ITGA1: variants seen among roughly 807,000 people sequenced by gnomAD.
ITGA1 encodes integrin subunit alpha 1.
ITGA1 carries 85 observed loss-of-function variants against 145.9 expected under a neutral mutation model. That is an observed-to-expected ratio of 0.58 (90% CI 0.49 to 0.70). The LOEUF is 0.70. Ranked by LOEUF, ITGA1 falls within the 30% of genes least tolerant of loss-of-function variation. The probability of loss-of-function intolerance (pLI) is 0.00; values close to 1 mark genes in which losing one functional copy is unlikely to be tolerated. For synonymous variants in ITGA1, 520 were observed against 495.3 expected (o/e 1.05, Z -0.66); for missense variants, 1,351 against 1,418.7 (o/e 0.95, Z 0.77).
chr5:52,842,732 C>T (rs1260514443), intron 1 of ITGA1, among the ~76,000 whole-genome samples: 7 of 144,842 alleles, frequency 4.8e-5, no homozygotes, highest in African/African-American at 1.8e-4. Flanking sequence ...GTCACCCAGG[C>T]TGGAGTGCAG....
chr5:52,913,354 T>C (rs1368300360), intron 14 of ITGA1, among the ~76,000 whole-genome samples: 1 of 152,216 alleles, frequency 6.6e-6, no homozygotes, highest in African/African-American at 2.4e-5. Context: ...TAAGTTGATA[T>C]ATTTTCGTCA....
chr5:52,955,987 A>G lies in ITGA1; in HGVS notation c.*3536A>G, dbSNP rs556404850. On this transcript the variant is annotated 3_prime_UTR_variant, in exon 29 of 29. Coordinates refer to ENST00000282588, the MANE Select transcript of ITGA1 (RefSeq NM_181501.2). ...CATACACTCACATGCAGATATTTAC[A>G]TATATAGATATTCTCTTTTCCTTTT... 281 of 152,188 alleles carry G rather than the reference A, an allele frequency of 1.8e-3. 3 individuals are homozygous for G. In the Middle Eastern group the frequency reaches 0.024, roughly 13 times the overall value. The allele number at this position is 152,188 out of a possible 1,614,324, so 9.4% of individuals were successfully genotyped here.
chr5:52,814,607 C>CT (rs937853627), intron 1 of ITGA1, among the ~76,000 whole-genome samples: 19 of 151,824 alleles, frequency 1.3e-4, no homozygotes, highest in African/African-American at 4.4e-4. Context: ...TTTTATCTGA[C>CT]TTTTTTTTCT....
chr5:52,833,925 A>G (rs1173818167), intron 1 of ITGA1, among the ~76,000 whole-genome samples: 1 of 152,240 alleles, frequency 6.6e-6, no homozygotes, highest in African/African-American at 2.4e-5. Flanking sequence ...GATAATAATT[A>G]GAATCAATAA....
chr5:52,801,196 T>A, intron 1 of ITGA1: 1 of 1,399,638 alleles, frequency 7.1e-7, no homozygotes, highest in Non-Finnish European at 9.7e-7. Flanking sequence ...GTTTTAGAAC[T>A]GGGAAAAATA....
In ITGA1 at chr5:52,922,877, T is replaced by C; in HGVS notation, c.2393T>C (p.Val798Ala). ...CTTGATGATTCTCTACCAAACTCAG[T>C]ACATGAATATGTAAGTCAGATTTCT... ...PVLDDSLPNSVHEYIPFAKDC... is the reference protein window; with the variant it reads ...PVLDDSLPNSAHEYIPFAKDC... Residue 798 changes from valine to alanine, a missense_variant, in exon 18 of 29, where the codon GTA (valine) becomes GCA (alanine). Coordinates refer to ENST00000282588, the MANE Select transcript of ITGA1 (RefSeq NM_181501.2). 2 of 1,574,642 alleles carry C rather than the reference T, an allele frequency of 1.3e-6. No homozygotes were observed. The highest frequency in any genetic ancestry group is 1.3e-5 in the African/African-American group (1 of 74,294).
chr5:52,899,551 G>A lies in ITGA1; in HGVS notation c.1309+1168G>A, dbSNP rs974133693. The stretch of plus-strand genomic sequence containing the variant: ...TTCCACTCTGGTCAGACAACAGCTA[G>A]AGTATCTGGTTGTTCTAAGTATCAC... On this transcript the variant is annotated intron_variant, in intron 11 of 28. Transcript: ENST00000282588. Among the ~76,000 whole-genome samples the A allele has an allele frequency of 7.9e-5, 12 of 152,238 alleles. No individual in the cohort carries two copies. In the South Asian group the frequency reaches 1.0e-3, roughly 13 times the overall value.
intron 14 of ITGA1, among the ~76,000 whole-genome samples, chr5:52,913,012 T>C (rs1001649456): frequency 1.6e-4 from 24 of 151,938 alleles, no homozygotes; most frequent in African/African-American, 3.6e-4. Flanking sequence ...TCCCAAAGTG[T>C]TGGGATTACA....
chr5:52,924,526 C>T (rs990840392), intron 18 of ITGA1, among the ~76,000 whole-genome samples: 3 of 152,320 alleles, frequency 2.0e-5, no homozygotes, highest in Non-Finnish European at 4.4e-5. Flanking sequence ...CCGGGTCATT[C>T]GGGACTTGGT....
intron 1 of ITGA1, among the ~76,000 whole-genome samples, chr5:52,826,313 G>A (rs965614580): frequency 1.3e-5 from 2 of 152,194 alleles, no homozygotes; most frequent in African/African-American, 4.8e-5. Context: ...GGCTGAGAGA[G>A]GGGTGGAAGC....
At chr5:52,881,763 G>A (rs1749963697) in intron 6 of ITGA1, 110 bp from the exon 7 acceptor site, 9 of 945,382 alleles carry the variant, frequency 9.5e-6, no homozygotes, top group Admixed American at 2.4e-5. Context: ...GTACTGATAG[G>A]TTTGCAAACT....
At chr5:52,840,481 G>A (rs1004097980) in intron 1 of ITGA1, among the ~76,000 whole-genome samples, 2 of 152,266 alleles carry the variant, frequency 1.3e-5, no homozygotes, top group East Asian at 3.9e-4. Context: ...AGGTTCTGCA[G>A]CTTTTTTATT....
intron 2 of ITGA1, among the ~76,000 whole-genome samples, chr5:52,851,234 TG>T (rs1265512440): frequency 1.3e-5 from 2 of 152,234 alleles, no homozygotes; most frequent in African/African-American, 4.8e-5. Flanking sequence ...TATCCAGTCC[TG>T]TCTCTGTGAT....
At chr5:52,929,765 AT>A in intron 21 of ITGA1, 64 bp downstream of exon 21, 1 of 883,784 alleles carries the variant, frequency 1.1e-6, no homozygotes, top group Non-Finnish European at 1.8e-6. Flanking sequence ...TGTATGTCGA[AT>A]ATTTTGCTCT....
intron 17 of ITGA1, among the ~76,000 whole-genome samples, chr5:52,921,381 C>A (rs1750727618): frequency 6.6e-6 from 1 of 151,962 alleles, no homozygotes; most frequent in Non-Finnish European, 1.5e-5. Flanking sequence ...AAAATGTGCA[C>A]CCTTTTGTGC....
At chr5:52,834,836 C>T (rs974987139) in intron 1 of ITGA1, among the ~76,000 whole-genome samples, 1 of 152,002 alleles carries the variant, frequency 6.6e-6, no homozygotes, top group Non-Finnish European at 1.5e-5. Context: ...TCCCTAAAGG[C>T]CCTATTTCCA....
chr5:52,910,988 C>CAG (rs1750506424), intron 14 of ITGA1, among the ~76,000 whole-genome samples: 2 of 121,858 alleles, frequency 1.6e-5, no homozygotes, highest in African/African-American at 3.3e-5. Context: ...AGTATGTATA[C>CAG]TATATATAGT....
intron 23 of ITGA1, among the ~76,000 whole-genome samples, chr5:52,935,775 T>A (rs1400367604): frequency 6.6e-6 from 1 of 152,200 alleles, no homozygotes; most frequent in African/African-American, 2.4e-5. Context: ...GGTACAAAAC[T>A]GTATTTTATT....
chr5:52,845,587 T>C (rs1326105133), intron 1 of ITGA1, among the ~76,000 whole-genome samples: 5 of 152,184 alleles, frequency 3.3e-5, no homozygotes, highest in Admixed American at 3.3e-4. Flanking sequence ...TCTTCATCTG[T>C]TCAAGAGTGG....
Sources: gnomAD v4.1 joint callset for allele counts (sites outside exome capture counted in the v4.1 genomes callset) on GRCh38, gnomAD v4.1.1 for gene constraint, MANE v1.5 for transcripts, NCBI Gene and HGNC (gene_info 2026-07-23, HGNC 2026-07-21) for gene names.